ICA1: variants seen among roughly 807,000 people sequenced by gnomAD.
ICA1 encodes islet cell autoantigen 1.
Under a neutral mutation model 71.0 loss-of-function variants are expected in ICA1, and 40 were observed. The observed-to-expected ratio is 0.56, with a 90% CI of 0.44 to 0.73. The LOEUF is 0.73. ICA1 is among the 30% of genes least tolerant of loss of function. The pLI is 0.00. For synonymous variants in ICA1, 207 were observed against 209.5 expected (o/e 0.99, Z 0.10); for missense variants, 578 against 576.5 (o/e 1.00, Z -0.03).
At chr7:8,190,127 C>T (rs1025837549) in intron 6 of ICA1, among the ~76,000 whole-genome samples, 64 of 152,180 alleles carry the variant, frequency 4.2e-4, no homozygotes, top group African/African-American at 1.5e-3. Context: ...GTCTGACATT[C>T]ACTGTGTTTA....
chr7:8,233,248 A>C (rs944789873), intron 2 of ICA1, among the ~76,000 whole-genome samples: 9 of 152,222 alleles, frequency 5.9e-5, no homozygotes, highest in African/African-American at 1.9e-4. Context: ...AGTCAAACTC[A>C]CAGAAGCAGA....
At chr7:8,183,097 A>C (rs182335315) in intron 6 of ICA1, among the ~76,000 whole-genome samples, 1 of 152,342 alleles carries the variant, frequency 6.6e-6, no homozygotes, top group East Asian at 1.9e-4. Flanking sequence ...AAGAGAAGAA[A>C]GTTACAACTA....
chr7:8,183,076 G>GAAATAAACAT (rs1209495753), intron 6 of ICA1, among the ~76,000 whole-genome samples: 2 of 152,158 alleles, frequency 1.3e-5, no homozygotes, highest in African/African-American at 4.8e-5. Flanking sequence ...TAACAGACAA[G>GAAATAAACAT]AAATAAACAT....
chr7:8,168,031 G>GGGAGAGAGA (rs1491563837), intron 6 of ICA1, among the ~76,000 whole-genome samples: 1 of 67,586 alleles, frequency 1.5e-5, no homozygotes, highest in African/African-American at 7.4e-5. Flanking sequence ...AGAAAAAGAG[G>GGGAGAGAGA]GAGAGAGAGA....
At chr7:8,168,376 C>T (rs909735399) in intron 6 of ICA1, among the ~76,000 whole-genome samples, 2 of 151,994 alleles carry the variant, frequency 1.3e-5, no homozygotes, top group African/African-American at 2.4e-5. Context: ...TTGGGAAATC[C>T]CTATTTTACA....
chr7:8,232,464 A>T, intron 3 of ICA1, 126 bp downstream of exon 3: 1 of 694,296 alleles, frequency 1.4e-6, no homozygotes, highest in Non-Finnish European at 2.1e-6. Flanking sequence ...GATTGAGTTT[A>T]CCTAATCCTA....
chr7:8,215,287 TA>T (rs1795050597), intron 6 of ICA1, among the ~76,000 whole-genome samples: 1 of 152,168 alleles, frequency 6.6e-6, no homozygotes, highest in Non-Finnish European at 1.5e-5. Flanking sequence ...TCCTTTCCCC[TA>T]AAAGGCCTTT....
intron 8 of ICA1, among the ~76,000 whole-genome samples, chr7:8,146,078 T>C (rs991540007): frequency 5.9e-5 from 9 of 152,182 alleles, no homozygotes; most frequent in African/African-American, 2.2e-4. Flanking sequence ...ATTAGTTCAT[T>C]CAGTTAACAA....
chr7:8,114,832 T>G (rs896980746), intron 13 of ICA1: 1 of 152,250 alleles, frequency 6.6e-6, no homozygotes, highest in Non-Finnish European at 1.5e-5. Flanking sequence ...CATGAGAATC[T>G]AAGTTCATTG....
chr7:8,198,135 T>C (rs1370379546), intron 6 of ICA1, among the ~76,000 whole-genome samples: 1 of 152,104 alleles, frequency 6.6e-6, no homozygotes, highest in African/African-American at 2.4e-5. Context: ...TGGCAGAAAA[T>C]GTGGTTTGCA....
chr7:8,138,261 A>G (rs1794076017), intron 12 of ICA1, among the ~76,000 whole-genome samples: 1 of 151,840 alleles, frequency 6.6e-6, no homozygotes, highest in Non-Finnish European at 1.5e-5. Context: ...AACTAAGCAA[A>G]CTCTCCCTCT....
chr7:8,200,473 C>A (rs1021076851), intron 6 of ICA1, among the ~76,000 whole-genome samples: 1 of 150,794 alleles, frequency 6.6e-6, no homozygotes, highest in African/African-American at 2.4e-5. Flanking sequence ...CATAAGTTGA[C>A]ATGGAGGAAA....
intron 1 of ICA1, among the ~76,000 whole-genome samples, chr7:8,256,791 C>A (rs1810376007): frequency 6.6e-6 from 1 of 152,166 alleles, no homozygotes; most frequent in Non-Finnish European, 1.5e-5. Flanking sequence ...AAGCATGGCC[C>A]CTGGAGCACA....
Position 8,143,892 on chromosome 7 carries a change from G to A in ICA1, c.885C>T (p.Ala295=), listed in dbSNP as rs752639460. The change falls in exon 9 of 14, where the codon GCC becomes GCT. Residue 295 remains alanine (A), a synonymous_variant. Coordinates refer to ENST00000402384, the MANE Select transcript of ICA1 (RefSeq NM_001136020.3). ...TGACTTACTGGCTCGGCTCCTGCAC[G>A]GCTGCATCTGTACTTTCCTGCTGGT... ...KINQQESTDA[A]VQEPSQLISL... 14 of 1,609,992 alleles carry A rather than the reference G, an allele frequency of 8.7e-6. No homozygotes were observed. Among genetic ancestry groups the A allele is most frequent in the Admixed American group, 3.3e-5 (2 of 59,942 alleles).
intron 1 of ICA1, among the ~76,000 whole-genome samples, chr7:8,256,878 G>A (rs746124014): frequency 3.9e-5 from 6 of 152,210 alleles, no homozygotes; most frequent in Non-Finnish European, 4.4e-5. Context: ...TTACATGTGT[G>A]AAGCACTTAA....
intron 13 of ICA1, among the ~76,000 whole-genome samples, chr7:8,125,377 T>C (rs10278050): frequency 0.45 from 68,167 of 151,680 alleles, 17,038 homozygotes; most frequent in African/African-American, 0.69. Flanking sequence ...GTGCCAGGCA[T>C]ATCCTCACCT....
At chr7:8,242,288 A>C (rs1469305756) in intron 1 of ICA1, among the ~76,000 whole-genome samples, 2 of 152,248 alleles carry the variant, frequency 1.3e-5, no homozygotes, top group Non-Finnish European at 1.5e-5. Context: ...ACTACATGCA[A>C]ACTGAACTAT....
At position 8,157,180 on chromosome 7, in the gene ICA1, T is replaced by C. The variant is rs749691714; in HGVS notation, c.740A>G (p.His247Arg). The change falls in exon 8 of 14, where the codon CAC becomes CGC. Residue 247 changes from histidine (H) to arginine (R), a missense_variant. By Grantham distance (29) the His-to-Arg change is conservative. Transcript: ENST00000402384. ...ACTCTCATGGATGGCTGCCATAGTG[T>C]GAGAAGTTTTCTCCCAAAAATGAAG... The part of the protein sequence containing the change: ...TLLHFWEKTS[H>R]TMAAIHESFK... The C allele has an allele frequency of 6.2e-7, 1 of 1,607,148 alleles. No homozygotes were observed. The highest frequency in any genetic ancestry group is 8.5e-7 in the Non-Finnish European group (1 of 1,178,184).
At chr7:8,242,418 G>A (rs754545201) in intron 1 of ICA1, among the ~76,000 whole-genome samples, 4 of 152,122 alleles carry the variant, frequency 2.6e-5, no homozygotes, top group Non-Finnish European at 5.9e-5. Context: ...TTAAAGCAGT[G>A]TATAGAGGGA....
Sources: allele counts gnomAD v4.1 joint callset (sites outside exome capture counted in the v4.1 genomes callset), GRCh38; gene constraint gnomAD v4.1.1; transcripts MANE v1.5; gene names NCBI Gene and HGNC (gene_info 2026-07-23, HGNC 2026-07-21).